Variants in RNF130 observed in about 807,000 individuals in gnomAD.
RNF130 encodes ring finger protein 130, also known as E3 ubiquitin-protein ligase RNF130.
In RNF130, 21 loss-of-function variants were observed where a neutral mutation model predicts 44.6. The observed-to-expected ratio is 0.47, with a 90% confidence interval of 0.33 to 0.68. RNF130 has a LOEUF of 0.68. Ranked by LOEUF, RNF130 falls within the 30% of genes least tolerant of loss-of-function variation. The probability of loss-of-function intolerance (pLI) is 0.02; values close to 1 mark genes in which losing one functional copy is unlikely to be tolerated. For synonymous variants in RNF130, 214 were observed against 210.4 expected (o/e 1.02, Z -0.15); for missense variants, 479 against 560.6 (o/e 0.85, Z 1.47).
At chr5:180,038,071 T>C (rs1160227920) in intron 2 of RNF130, among the ~76,000 whole-genome samples, 1 of 152,222 alleles carries the variant, frequency 6.6e-6, no homozygotes, top group East Asian at 1.9e-4. Flanking sequence ...TGTTTGTCTT[T>C]GAGACAGCTT....
At chr5:180,071,384 C>T (rs1256130600) in intron 1 of RNF130, 72 bp downstream of exon 1, 8 of 1,216,466 alleles carry the variant, frequency 6.6e-6, no homozygotes, top group Non-Finnish European at 8.2e-6. Flanking sequence ...AGAGCCGGGG[C>T]CGGGAACCCT....
chr5:180,070,453 C>T (rs564886072), intron 1 of RNF130, among the ~76,000 whole-genome samples: 1 of 152,306 alleles, frequency 6.6e-6, no homozygotes, highest in South Asian at 2.1e-4. Context: ...CAAATACAGA[C>T]CTCAGAGGGG....
intron 2 of RNF130, among the ~76,000 whole-genome samples, chr5:180,027,932 C>T (rs774644499): frequency 3.3e-5 from 5 of 152,230 alleles, no homozygotes; most frequent in Non-Finnish European, 7.3e-5. Context: ...CAGCTTAGGC[C>T]GCATCAACCT....
chr5:180,032,524 C>T (rs1455477526), intron 2 of RNF130, among the ~76,000 whole-genome samples: 15 of 152,088 alleles, frequency 9.9e-5, no homozygotes, highest in Admixed American at 9.2e-4. Flanking sequence ...GCATGAGCCA[C>T]GAGGCCCGGC....
rs1401210225 is a variant in RNF130 at position 180,040,665 on chromosome 5, T to C, written c.248-18A>G. On this transcript the variant is annotated intron_variant, in intron 1 of 8. Coordinates refer to ENST00000521389, the MANE Select transcript of RNF130 (RefSeq NM_018434.6). ...ATCAGCAACTGAAAAGAAAAAGAAA[T>C]ACACACATTAAAGATAAATAAAACT... 10 of 1,604,808 alleles carry C rather than the reference T, an allele frequency of 6.2e-6. No homozygotes were observed. Among genetic ancestry groups the C allele is most frequent in the African/African-American group, 1.3e-5 (1 of 74,396 alleles).
At chr5:180,013,483 G>A (rs1716021923) in intron 2 of RNF130, among the ~76,000 whole-genome samples, 172 bp from the exon 3 acceptor site, 2 of 152,150 alleles carry the variant, frequency 1.3e-5, no homozygotes, top group African/African-American at 2.4e-5. Context: ...GCACCAAGTA[G>A]GAACATGTAA....
chr5:179,994,786 G>A (rs1000195780), intron 3 of RNF130, among the ~76,000 whole-genome samples: 1 of 152,204 alleles, frequency 6.6e-6, no homozygotes, highest in Non-Finnish European at 1.5e-5. Context: ...GTTGTAATGG[G>A]CTGTGTGGGT....
chr5:180,053,458 A>T (rs1286838501), intron 1 of RNF130, among the ~76,000 whole-genome samples: 1 of 152,242 alleles, frequency 6.6e-6, no homozygotes, highest in African/African-American at 2.4e-5. Flanking sequence ...CAGCAAGAAC[A>T]CACAAGACAA....
At chr5:179,923,934 T>A (rs1761669796) in intron 7 of RNF130, among the ~76,000 whole-genome samples, 1 of 152,224 alleles carries the variant, frequency 6.6e-6, no homozygotes, top group Admixed American at 6.5e-5. Flanking sequence ...GCATATAATC[T>A]CAGCAGATTA....
chr5:179,973,420 G>C (rs536353471), intron 5 of RNF130, among the ~76,000 whole-genome samples: 1 of 152,272 alleles, frequency 6.6e-6, no homozygotes, highest in East Asian at 1.9e-4. Context: ...TTCCCTTCTA[G>C]GCAAAGTTCT....
intron 7 of RNF130, among the ~76,000 whole-genome samples, chr5:179,937,866 TA>T (rs923288893): frequency 2.7e-5 from 4 of 148,124 alleles, no homozygotes; most frequent in Non-Finnish European, 4.5e-5. Flanking sequence ...TATTCAGCCA[TA>T]AAAAAAATGA....
intron 2 of RNF130, among the ~76,000 whole-genome samples, chr5:180,038,011 G>T (rs1764287828): frequency 6.6e-6 from 1 of 152,114 alleles, no homozygotes. Context: ...AAATAGGTTT[G>T]GGAAACACTA....
At chr5:179,996,530 G>A (rs139335692) in intron 3 of RNF130, among the ~76,000 whole-genome samples, 2 of 152,264 alleles carry the variant, frequency 1.3e-5, no homozygotes, top group East Asian at 1.9e-4. Context: ...ATATCATGAA[G>A]CCACTTATCA....
downstream of RNF130, among the ~76,000 whole-genome samples, chr5:179,952,142 G>A (rs560749298): frequency 7.9e-5 from 12 of 152,208 alleles, no homozygotes; most frequent in African/African-American, 2.4e-4. Context: ...AGGCTGCAGC[G>A]AGCTGAGATT....
rs138526362 is a variant in RNF130, at chr5:180,020,884, A to G, written c.443-7573T>C. Among the ~76,000 whole-genome samples, 1,315 of 152,304 alleles carry G rather than the reference A, an allele frequency of 8.6e-3. 14 individuals carry two copies. The highest frequency in any genetic ancestry group is 0.027 in the Middle Eastern group (8 of 294). ...TTTCCAGGGGTTGCCAACTTTCAACACAACACAGGAACTCCCACAAATTAC... is the reference window on the plus strand; with the variant it reads ...TTTCCAGGGGTTGCCAACTTTCAACGCAACACAGGAACTCCCACAAATTAC... On this transcript the variant is annotated intron_variant, in intron 2 of 8. Transcript: ENST00000521389.
At chr5:179,928,759 G>C (rs1761746569) in intron 7 of RNF130, among the ~76,000 whole-genome samples, 2 of 151,744 alleles carry the variant, frequency 1.3e-5, no homozygotes, top group South Asian at 2.1e-4. Context: ...CTCCCGAGTA[G>C]CTGGGACTAC....
chr5:180,012,801 G>A (rs1763623148), intron 3 of RNF130, among the ~76,000 whole-genome samples: 1 of 152,092 alleles, frequency 6.6e-6, no homozygotes, highest in Non-Finnish European at 1.5e-5. Context: ...CAAATTAACA[G>A]AATTATCTAG....
rs933289888 is a variant in RNF130 at position 180,071,327 on chromosome 5, G to T, written c.247+129C>A. On this transcript the variant is annotated intron_variant, in intron 1 of 8. Transcript: ENST00000521389. ...CCGGGCTGTCCACGACGGAAGCCTC[G>T]ACCCTGGCTGGGGCTGTCGGCCGGG... The T allele has an allele frequency of 7.6e-6, 7 of 924,152 alleles. No individual in the cohort carries two copies. In the East Asian group the frequency reaches 1.3e-4, roughly 18 times the overall value. The allele number at this position is 924,152 out of a possible 1,614,324, so 57.2% of individuals were successfully genotyped here.
At chr5:179,968,318 A>G (rs775553070) in intron 6 of RNF130, among the ~76,000 whole-genome samples, 3,827 of 151,404 alleles carry the variant, frequency 0.025, 72 homozygotes, top group Non-Finnish European at 0.041. Context: ...ACAAACAAAA[A>G]AAGAAGGCGG....
Sources: gnomAD v4.1 joint callset for allele counts (sites outside exome capture counted in the v4.1 genomes callset) on GRCh38, gnomAD v4.1.1 for gene constraint, MANE v1.5 for transcripts, NCBI Gene and HGNC (gene_info 2026-07-23, HGNC 2026-07-21) for gene names.